Variants in CDH13 observed in about 807,000 individuals in gnomAD.
CDH13 encodes cadherin 13, also known as cadherin-13.
CDH13 carries 24 observed loss-of-function variants against 63.8 expected under a neutral mutation model. The observed-to-expected ratio is 0.38, with a 90% confidence interval of 0.27 to 0.53. CDH13 has a LOEUF of 0.53. CDH13 is among the 20% of genes least tolerant of loss of function. The pLI is 0.85. For missense variants in CDH13, 1,049 were observed against 903.1 expected, an observed-to-expected ratio of 1.16 and a Z score of -2.07; for synonymous variants, 503 against 355.3, an observed-to-expected ratio of 1.42 and a Z score of -4.67.
intron 3 of CDH13, among the ~76,000 whole-genome samples, chr16:83,064,194 C>A (rs936543575): frequency 2.0e-5 from 3 of 152,062 alleles, no homozygotes; most frequent in African/African-American, 7.2e-5. Flanking sequence ...CATGATGAAA[C>A]CCCATCTGTA....
At chr16:82,744,573 G>A (rs912503277) in intron 1 of CDH13, among the ~76,000 whole-genome samples, 6 of 151,996 alleles carry the variant, frequency 3.9e-5, no homozygotes, top group African/African-American at 1.5e-4. Flanking sequence ...TTTCCCCTCA[G>A]TTCCTGTGTA....
chr16:83,783,198 T>C (rs1915647481), intron 12 of CDH13, 56 bp from the exon 13 acceptor site: 1 of 1,236,026 alleles, frequency 8.1e-7, no homozygotes, highest in South Asian at 1.3e-5. Context: ...AAAACCTCAC[T>C]CTTTTATTGG....
chr16:82,773,209 G>A (rs538203110), intron 1 of CDH13: 2 of 152,392 alleles, frequency 1.3e-5, no homozygotes, highest in East Asian at 3.9e-4. Flanking sequence ...CAGTCAGGCT[G>A]TGTGAATTTT....
At chr16:82,879,770 T>C (rs919497367) in intron 2 of CDH13, among the ~76,000 whole-genome samples, 9 of 138,244 alleles carry the variant, frequency 6.5e-5, no homozygotes, top group Admixed American at 6.0e-4. Context: ...ATTTACATGA[T>C]ATATAATATA....
At chr16:82,848,384 T>C (rs1221877079) in intron 1 of CDH13, among the ~76,000 whole-genome samples, 1 of 152,230 alleles carries the variant, frequency 6.6e-6, no homozygotes, top group Non-Finnish European at 1.5e-5. Flanking sequence ...ATTTGTAGGA[T>C]CAGCTTTCAC....
At chr16:83,213,039 G>A (rs1288896609) in intron 4 of CDH13, among the ~76,000 whole-genome samples, 1 of 152,204 alleles carries the variant, frequency 6.6e-6, no homozygotes, top group Non-Finnish European at 1.5e-5. Flanking sequence ...GCTCTGAGGA[G>A]CAGGAGGCAG....
At chr16:82,955,638 G>A (rs1008242765) in intron 2 of CDH13, among the ~76,000 whole-genome samples, 1 of 152,196 alleles carries the variant, frequency 6.6e-6, no homozygotes, top group Non-Finnish European at 1.5e-5. Flanking sequence ...TGTGTTAGGT[G>A]CTGTGAATAC....
intron 6 of CDH13, among the ~76,000 whole-genome samples, chr16:83,444,090 T>A (rs910010518): frequency 1.4e-5 from 2 of 144,822 alleles, no homozygotes; most frequent in Non-Finnish European, 3.1e-5. Flanking sequence ...AAGATGACAA[T>A]AGTGAGGTTG....
chr16:83,302,289 T>C (rs1158802186), intron 5 of CDH13, among the ~76,000 whole-genome samples: 2 of 152,242 alleles, frequency 1.3e-5, no homozygotes, highest in East Asian at 3.8e-4. Flanking sequence ...CTCCTGTTGC[T>C]TCAGTTTTCT....
intron 4 of CDH13, among the ~76,000 whole-genome samples, chr16:83,164,728 G>A (rs12102944): frequency 0.21 from 29,071 of 141,558 alleles, 4,339 homozygotes; most frequent in African/African-American, 0.41. Flanking sequence ...CTCAAAAAAA[G>A]AAAAAAAAAA....
intron 10 of CDH13, among the ~76,000 whole-genome samples, chr16:83,704,314 A>C (rs890145412): frequency 4.6e-5 from 7 of 152,318 alleles, no homozygotes; most frequent in African/African-American, 1.7e-4. Flanking sequence ...TTACCCTCAA[A>C]GATACAATAA....
chr16:82,903,431 T>A (rs58292547), intron 2 of CDH13, among the ~76,000 whole-genome samples: 22,208 of 152,166 alleles, frequency 0.15, 1,803 homozygotes, highest in African/African-American at 0.2. Flanking sequence ...CACACATAAG[T>A]GGGAGCCCTA....
At chr16:83,553,347 G>C (rs943106877) in intron 7 of CDH13, among the ~76,000 whole-genome samples, 1 of 152,150 alleles carries the variant, frequency 6.6e-6, no homozygotes, top group Non-Finnish European at 1.5e-5. Context: ...AAATACAAAA[G>C]TTATAAAATT....
chr16:83,557,991 G>A (rs1421923900), intron 7 of CDH13, among the ~76,000 whole-genome samples: 2 of 152,264 alleles, frequency 1.3e-5, no homozygotes, highest in Middle Eastern at 6.8e-3. Context: ...TGTTTGCTGA[G>A]ACCTGGGGGG....
chr16:82,675,338 T>G (rs1913774019), intron 1 of CDH13, among the ~76,000 whole-genome samples: 1 of 152,188 alleles, frequency 6.6e-6, no homozygotes, highest in African/African-American at 2.4e-5. Flanking sequence ...GGCTGTATAC[T>G]TGAAACATAC....
At chr16:82,889,896 G>C (rs187608543) in intron 2 of CDH13, among the ~76,000 whole-genome samples, 2 of 152,306 alleles carry the variant, frequency 1.3e-5, no homozygotes, top group African/African-American at 2.4e-5. Context: ...TTGCTCAAGA[G>C]AGTATAGACT....
chr16:83,747,098 T>C (rs1480035904), intron 10 of CDH13, among the ~76,000 whole-genome samples: 1 of 152,212 alleles, frequency 6.6e-6, no homozygotes, highest in African/African-American at 2.4e-5. Context: ...TCAACAAATA[T>C]TTAGTGTCGC....
chr16:83,418,239 G>C (rs964383746), intron 6 of CDH13, among the ~76,000 whole-genome samples: 3 of 152,092 alleles, frequency 2.0e-5, no homozygotes, highest in Non-Finnish European at 2.9e-5. Flanking sequence ...TGATTATTTG[G>C]AGGATTAAAA....
chr16:83,487,068 T>A (rs1049798772), intron 7 of CDH13, among the ~76,000 whole-genome samples: 1 of 152,164 alleles, frequency 6.6e-6, no homozygotes, highest in Admixed American at 6.5e-5. Flanking sequence ...CAAATGCCCA[T>A]GACTCCTTTC....
Sources: allele counts gnomAD v4.1 joint callset (sites outside exome capture counted in the v4.1 genomes callset), GRCh38; gene constraint gnomAD v4.1.1; transcripts MANE v1.5; gene names NCBI Gene and HGNC (gene_info 2026-07-23, HGNC 2026-07-21).